TRAPPC10: variants seen among roughly 807,000 people sequenced by gnomAD.
TRAPPC10 encodes the protein trafficking protein particle complex subunit 10, also known as TRAPP 130 kDa subunit.
A neutral mutation model predicts 125.5 loss-of-function variants in TRAPPC10; 23 were observed. The observed-to-expected ratio is 0.18, with a 90% CI of 0.13 to 0.26. The LOEUF is 0.26. Ranked by LOEUF, TRAPPC10 falls within the 10% of genes least tolerant of loss-of-function variation. The pLI, the probability that TRAPPC10 is intolerant of heterozygous loss-of-function variation, is 1.00. For synonymous variants in TRAPPC10, 509 were observed against 518.0 expected, an observed-to-expected ratio of 0.98 and a Z score of 0.24; for missense variants, 1,123 against 1,308.4, an observed-to-expected ratio of 0.86 and a Z score of 2.19.
chr21:44,075,193 C>T (rs1569199500), intron 9 of TRAPPC10, 40 bp downstream of exon 9: 2 of 1,438,142 alleles, frequency 1.4e-6, no homozygotes, highest in Non-Finnish European at 2.0e-6. Context: ...GTGAGGTGGA[C>T]AGTAATGAAA....
chr21:44,036,772 A>G (rs2034016369), intron 2 of TRAPPC10, among the ~76,000 whole-genome samples: 1 of 152,200 alleles, frequency 6.6e-6, no homozygotes, highest in Non-Finnish European at 1.5e-5. Context: ...TAAAAAAATT[A>G]AAAATCTAAA....
At position 44,094,213 on chromosome 21, in the gene TRAPPC10, T is replaced by G. The variant is rs918522793; in HGVS notation, c.3148T>G (p.Phe1050Val). The change falls in exon 20 of 23, where the codon TTT (phenylalanine) becomes GTT (valine). Residue 1050 changes from phenylalanine to valine, a missense_variant. Physicochemically the swap from Phe to Val is conservative, Grantham distance 50. Coordinates refer to ENST00000291574, the MANE Select transcript of TRAPPC10 (RefSeq NM_003274.5). Reference sequence around the variant, plus strand: ...CTCCTTAAAGCCGTATACTTATGAATTTAAAGTGGAAAATTTTTTTGTAAG... The same window carrying G: ...CTCCTTAAAGCCGTATACTTATGAAGTTAAAGTGGAAAATTTTTTTGTAAG... ...SISLKPYTYE[F>V]KVENFFTLYN... 5.0e-6 allele frequency: 8 copies of G among 1,608,794 alleles called. No homozygotes were observed. In the African/African-American group the frequency reaches 5.4e-5, roughly 11 times the overall value.
chr21:44,038,162 A>C (rs371909372), intron 3 of TRAPPC10, among the ~76,000 whole-genome samples: 1 of 152,170 alleles, frequency 6.6e-6, no homozygotes, highest in Admixed American at 6.5e-5. Flanking sequence ...ACTTTTTAAC[A>C]TACTCTGTTA....
intron 1 of TRAPPC10, among the ~76,000 whole-genome samples, chr21:44,014,699 AT>A (rs1437550425): frequency 6.6e-6 from 1 of 150,734 alleles, no homozygotes; most frequent in African/African-American, 2.5e-5. Context: ...AAGTGCTGGG[AT>A]TACAGGCTTG....
intron 6 of TRAPPC10, chr21:44,062,921 C>A: frequency 8.0e-7 from 1 of 1,251,262 alleles, no homozygotes; most frequent in South Asian, 1.4e-5. Flanking sequence ...CATTGTTATG[C>A]TTATTTTAAG....
chr21:44,084,995 A>G (rs953653298), intron 15 of TRAPPC10, among the ~76,000 whole-genome samples: 3 of 152,196 alleles, frequency 2.0e-5, no homozygotes, highest in Admixed American at 6.5e-5. Flanking sequence ...AGCTGCCTGA[A>G]AGCTCTCCAG....
rs2037811742 is a variant in TRAPPC10 at position 44,082,296 on chromosome 21, T to C, written c.1724-492T>C. ...CTGTAGACCTGGCTGGTTGCTGCCA[T>C]CCTGGGCCTGGGGGCACAGAGGGGT... On this transcript the variant is annotated intron_variant, in intron 13 of 22. Coordinates refer to ENST00000291574, the MANE Select transcript of TRAPPC10 (RefSeq NM_003274.5). This position sits in a 1 kb window ranked among gnomAD's most constrained non-coding sequence, Gnocchi z 4.4. 6.6e-6 allele frequency among the ~76,000 whole-genome samples: 1 copy of C among 152,188 alleles called. No homozygotes were observed. The highest frequency in any genetic ancestry group is 1.5e-5 in the Non-Finnish European group (1 of 68,044).
In TRAPPC10 at chr21:44,082,778, C is replaced by T; in HGVS notation, c.1724-10C>T. On this transcript the variant is annotated splice_polypyrimidine_tract_variant and intron_variant, in intron 13 of 22. Coordinates refer to ENST00000291574, the MANE Select transcript of TRAPPC10 (RefSeq NM_003274.5). The surrounding 1 kb of genome is among the most constrained non-coding windows in gnomAD (Gnocchi z 4.4). ...CTTGGGGAGTCACTTACGATAATGT[C>T]TATTTACAGGTCATAAGATAGTGCT... 1.2e-6 allele frequency: 2 copies of T among 1,612,368 alleles called. No individual in the cohort carries two copies. The highest frequency in any genetic ancestry group is 1.7e-6 in the Non-Finnish European group (2 of 1,178,720).
intron 1 of TRAPPC10, among the ~76,000 whole-genome samples, chr21:44,023,903 C>T (rs776264125): frequency 1.8e-4 from 28 of 152,250 alleles, no homozygotes; most frequent in African/African-American, 4.1e-4. Context: ...CTCAGCCTCC[C>T]GAGTAGTGAG....
chr21:44,077,213 C>G (rs1030826755), intron 10 of TRAPPC10, among the ~76,000 whole-genome samples: 1 of 152,144 alleles, frequency 6.6e-6, no homozygotes, highest in Non-Finnish European at 1.5e-5. Flanking sequence ...AATTTATACA[C>G]AGGTTACCAA....
intron 1 of TRAPPC10, among the ~76,000 whole-genome samples, chr21:44,031,211 G>A (rs1425774423): frequency 6.6e-6 from 1 of 152,086 alleles, no homozygotes; most frequent in Admixed American, 6.5e-5. Context: ...TGTGTTAATG[G>A]CACACATCAA....
At chr21:44,077,263 G>A (rs1422847190) in intron 10 of TRAPPC10, among the ~76,000 whole-genome samples, 1 of 152,160 alleles carries the variant, frequency 6.6e-6, no homozygotes, top group Non-Finnish European at 1.5e-5. Context: ...AAAAATAGAT[G>A]CAAAGGAAAA....
intron 3 of TRAPPC10, chr21:44,046,895 G>T: frequency 2.4e-6 from 2 of 824,356 alleles, no homozygotes; most frequent in South Asian, 1.3e-5. Flanking sequence ...CACAGCGGCA[G>T]TCGCGCCCAC....
chr21:44,075,196 T>C (rs2037187976), intron 9 of TRAPPC10, 43 bp downstream of exon 9: 1 of 1,410,606 alleles, frequency 7.1e-7, no homozygotes, highest in South Asian at 1.2e-5. Context: ...AGGTGGACAG[T>C]AATGAAAATG....
At chr21:44,056,612 AC>A (rs1455353868) in intron 5 of TRAPPC10, among the ~76,000 whole-genome samples, 17 of 152,294 alleles carry the variant, frequency 1.1e-4, no homozygotes, top group South Asian at 4.1e-4. Flanking sequence ...TGATCATCTC[AC>A]GGCAGTCACG....
intron 6 of TRAPPC10, chr21:44,062,752 G>T (rs1445258799): frequency 1.0e-6 from 1 of 985,320 alleles, no homozygotes; most frequent in African/African-American, 1.7e-5. Context: ...ACCACTATGC[G>T]CTCCCCGGGT....
rs1367272459 is a variant in TRAPPC10, at chr21:44,012,667, T to C, written c.67+107T>C. On this transcript the variant is annotated intron_variant, in intron 1 of 22. Transcript: ENST00000291574. ...CTTCAGCCCCCGGCGCGCTCCGGGC[T>C]GGGCCGCTTCCTGGAGGTGTGACCA... 6 of 1,019,910 alleles carry C rather than the reference T, an allele frequency of 5.9e-6. No homozygotes were observed. The Admixed American group carries it at 7.7e-5, about 13-fold the overall frequency. 63.2% of individuals were successfully genotyped at this position (1,019,910 alleles called of 1,614,324 possible). A position where few individuals can be genotyped will look rare whatever the true frequency, so the allele number is the denominator to read the frequency against.
Position 44,088,817 on chromosome 21 carries a change from C to T in TRAPPC10, c.2769+889C>T, listed in dbSNP as rs574919179. On this transcript the variant is annotated intron_variant, in intron 17 of 22. Coordinates refer to ENST00000291574, the MANE Select transcript of TRAPPC10 (RefSeq NM_003274.5). ...TTCCCTGGCGCTGGCGGCACCTGTGCTGTGTGCCATGTTATCCCACTCTTC... is the reference window on the plus strand; with the variant it reads ...TTCCCTGGCGCTGGCGGCACCTGTGTTGTGTGCCATGTTATCCCACTCTTC... The T allele has an allele frequency of 1.2e-4, 18 of 151,288 alleles. No individual in the cohort carries two copies. The South Asian group carries it at 2.3e-3, about 19-fold the overall frequency. 9.4% of individuals were successfully genotyped at this position (151,288 alleles called of 1,614,324 possible).
chr21:44,029,561 G>A (rs1013801016), intron 1 of TRAPPC10, among the ~76,000 whole-genome samples: 12 of 152,188 alleles, frequency 7.9e-5, no homozygotes, highest in Admixed American at 7.8e-4. Context: ...CGCCTCAGTG[G>A]GTTAGAATTG....
Sources: gnomAD v4.1 joint callset for allele counts (sites outside exome capture counted in the v4.1 genomes callset) on GRCh38, gnomAD v4.1.1 for gene constraint, Gnocchi (gnomAD v3.1) non-coding constraint, MANE v1.5 for transcripts, NCBI Gene and HGNC (gene_info 2026-07-23, HGNC 2026-07-21) for gene names.